The following TRMT2B variants were observed in gnomAD, a reference collection of about 807,000 sequenced individuals.
TRMT2B encodes tRNA (uracil-5-)-methyltransferase homolog B.
In TRMT2B, 34 loss-of-function variants were observed where a neutral mutation model predicts 39.7. That is an observed-to-expected ratio of 0.86 (90% CI 0.65 to 1.14). The LOEUF (loss-of-function observed/expected upper bound fraction) is 1.14, where lower values mean the gene tolerates loss of function less well. Ranked by LOEUF, TRMT2B falls within the 50% of genes most tolerant of loss-of-function variation. The pLI, the probability that TRMT2B is intolerant of heterozygous loss-of-function variation, is 0.00. For synonymous variants in TRMT2B, 132 were observed against 137.3 expected, an observed-to-expected ratio of 0.96 and a Z score of 0.27; for missense variants, 318 against 377.2, an observed-to-expected ratio of 0.84 and a Z score of 1.30.
At chrX:100,975,721 C>T in the TRMT2B span, among the ~76,000 whole-genome samples, 1 of 109,024 alleles carries the variant, frequency 9.2e-6, no homozygotes, top group Admixed American at 9.9e-5. Context: ...CAACCTCCAC[C>T]TCCCAGGTTC....
chrX:101,016,608 A>C (rs1216814679), intron 13 of TRMT2B, among the ~76,000 whole-genome samples: 1 of 104,902 alleles, frequency 9.5e-6, no homozygotes, highest in Non-Finnish European at 1.9e-5. Flanking sequence ...CTGGGATTAC[A>C]GGCATGTGCC....
At chrX:100,975,633 T>C in the TRMT2B span, among the ~76,000 whole-genome samples, 20 of 84,285 alleles carry the variant, frequency 2.4e-4, no homozygotes, top group Admixed American at 1.8e-3. Flanking sequence ...TTTCTTTGCT[T>C]TTTTTTTTTT....
chrX:101,040,292 TAAA>T (rs59255183), intron 4 of TRMT2B, among the ~76,000 whole-genome samples: 34 of 90,445 alleles, frequency 3.8e-4, no homozygotes, highest in Admixed American at 7.8e-4. Flanking sequence ...AGACTCTATT[TAAA>T]AAAAAAAAAA....
the TRMT2B span, among the ~76,000 whole-genome samples, chrX:100,998,186 G>C: frequency 1.9e-5 from 2 of 105,803 alleles, no homozygotes; most frequent in Non-Finnish European, 3.9e-5. Context: ...CTTGAACCCG[G>C]GAGGCAGAGG....
At chrX:101,015,722 C>T (rs2086476766) in intron 13 of TRMT2B, 2 of 393,370 alleles carry the variant, frequency 5.1e-6, no homozygotes, top group Non-Finnish European at 6.5e-6. Context: ...TCTTTGCTTA[C>T]AGTGCTTTTC....
chrX:100,998,626 A>G, the TRMT2B span, among the ~76,000 whole-genome samples: 3 of 110,672 alleles, frequency 2.7e-5, no homozygotes, highest in Admixed American at 2.9e-4. Flanking sequence ...AGTGTTTTAT[A>G]TATACACAGA....
At chrX:100,973,435 C>G in the TRMT2B span, among the ~76,000 whole-genome samples, 30 of 106,598 alleles carry the variant, frequency 2.8e-4, no homozygotes, top group East Asian at 6.8e-3. Flanking sequence ...CGGCGCTCGC[C>G]GGCGCGGCGG....
the TRMT2B span, among the ~76,000 whole-genome samples, chrX:100,992,488 G>A: frequency 6.3e-5 from 7 of 111,006 alleles, no homozygotes; most frequent in Non-Finnish European, 9.4e-5. Flanking sequence ...GGCTGCGGTC[G>A]GAGAATCGCT....
chrX:101,002,933 A>AG, the TRMT2B span, among the ~76,000 whole-genome samples: 4 of 111,456 alleles, frequency 3.6e-5, no homozygotes, highest in African/African-American at 1.3e-4. Flanking sequence ...TTTTTGAGAC[A>AG]GGGTCTTGCT....
At chrX:101,024,470 A>G (rs2086959642) in intron 7 of TRMT2B, among the ~76,000 whole-genome samples, 1 of 111,278 alleles carries the variant, frequency 9.0e-6, no homozygotes, top group Middle Eastern at 4.6e-3. Context: ...CCAACGTGGG[A>G]GGATTGCTTA....
chrX:101,000,403 C>T, the TRMT2B span, among the ~76,000 whole-genome samples: 14 of 110,596 alleles, frequency 1.3e-4, no homozygotes, highest in Non-Finnish European at 2.5e-4. Flanking sequence ...ATTATAGGCG[C>T]GAGCCACCGC....
chrX:101,048,677 T>G (rs778948390), intron 2 of TRMT2B, among the ~76,000 whole-genome samples: 28 of 112,242 alleles, frequency 2.5e-4, no homozygotes, highest in Non-Finnish European at 3.2e-4. Context: ...TGACCTCAAG[T>G]GATCCACCTG....
At chrX:100,982,090 C>T in the TRMT2B span, among the ~76,000 whole-genome samples, 1 of 110,955 alleles carries the variant, frequency 9.0e-6, no homozygotes, top group Non-Finnish European at 1.9e-5. Flanking sequence ...TTTAGACTAG[C>T]GCCTTTCAAA....
chrX:101,028,084 T>C (rs1312039738), intron 7 of TRMT2B, among the ~76,000 whole-genome samples: 2 of 109,089 alleles, frequency 1.8e-5, no homozygotes, highest in African/African-American at 6.7e-5. Context: ...AAAAATGTCC[T>C]TGTTAGAGCC....
the TRMT2B span, among the ~76,000 whole-genome samples, chrX:100,978,718 A>C: frequency 9.1e-6 from 1 of 110,145 alleles, no homozygotes; most frequent in African/African-American, 3.3e-5. Flanking sequence ...AGGACTTACT[A>C]CTGTCACCTT....
rs779530186 is a variant in TRMT2B at position 101,035,633 on chromosome X, T to C, written c.589A>G (p.Lys197Glu). 4.1e-6 allele frequency: 5 copies of C among 1,211,276 alleles called. No homozygotes were observed. In the Admixed American group the frequency reaches 1.1e-4, roughly 26 times the overall value. ...TTTACCTGCGCCACTTGACTGTGTT[T>C]CTCAGGGATGTTTTTCAGATGATTA... is the stretch of plus-strand genomic sequence containing the variant. ...QSNHLKNIPE[K>E]HSQVAQYYEV... The change falls in exon 7 of 14, where the codon AAA becomes GAA. Residue 197 changes from lysine (K) to glutamate (E), a missense_variant. Transcript: ENST00000372936.
chrX:100,983,646 C>T, the TRMT2B span, among the ~76,000 whole-genome samples: 27 of 111,427 alleles, frequency 2.4e-4, no homozygotes, highest in East Asian at 2.8e-4. Flanking sequence ...TGTGAGCCAC[C>T]GTCCCTGGCC....
chrX:101,012,428 C>A (rs1361462518), intron 13 of TRMT2B, among the ~76,000 whole-genome samples: 1 of 107,122 alleles, frequency 9.3e-6, no homozygotes, highest in Non-Finnish European at 1.9e-5. Flanking sequence ...CCCACTAACT[C>A]ATCATCTAGC....
At chrX:101,050,901 G>T (rs1293949678) in intron 2 of TRMT2B, among the ~76,000 whole-genome samples, 6 of 108,241 alleles carry the variant, frequency 5.5e-5, no homozygotes, top group Non-Finnish European at 1.1e-4. Flanking sequence ...AATTAGCTGG[G>T]CGTGGTGGCA....
Sources: gnomAD v4.1 joint callset for allele counts (sites outside exome capture counted in the v4.1 genomes callset) on GRCh38, gnomAD v4.1.1 for gene constraint, MANE v1.5 for transcripts, NCBI Gene and HGNC (gene_info 2026-07-23, HGNC 2026-07-21) for gene names.